The following NT5C2 variants were observed in gnomAD, a reference collection of about 807,000 sequenced individuals.
The protein encoded by NT5C2 is 5'-nucleotidase, cytosolic II.
Under a neutral mutation model 76.1 loss-of-function variants are expected in NT5C2, and 58 were observed. The ratio of observed to expected loss-of-function variants is 0.76; its 90% CI spans 0.62 to 0.95. The LOEUF is 0.95. NT5C2 is among the 40% of genes least tolerant of loss of function. The pLI, the probability that NT5C2 is intolerant of heterozygous loss-of-function variation, is 0.00. For synonymous variants in NT5C2, 229 were observed against 237.4 expected, an observed-to-expected ratio of 0.96 and a Z score of 0.32; for missense variants, 478 against 690.3, an observed-to-expected ratio of 0.69 and a Z score of 3.45.
chr10:103,114,291 C>T (rs1348354657), intron 4 of NT5C2, among the ~76,000 whole-genome samples: 3 of 152,048 alleles, frequency 2.0e-5, no homozygotes, highest in African/African-American at 4.8e-5. Flanking sequence ...AGTGTGGTGG[C>T]GCACACCTGT....
intron 4 of NT5C2, among the ~76,000 whole-genome samples, chr10:103,128,434 C>CGCT (rs1187277493): frequency 2.5e-5 from 3 of 121,924 alleles, no homozygotes; most frequent in Non-Finnish European, 5.4e-5. Flanking sequence ...ACCTCCCAGC[C>CGCT]GCCTGCCTTG....
chr10:103,152,474 A>G (rs1031272775), intron 3 of NT5C2, among the ~76,000 whole-genome samples: 17 of 152,214 alleles, frequency 1.1e-4, no homozygotes, highest in Non-Finnish European at 2.5e-4. Context: ...AATAAGTTGT[A>G]AATGTGAGGC....
At chr10:103,157,223 T>C (rs3861984) in intron 3 of NT5C2, among the ~76,000 whole-genome samples, 47,817 of 151,516 alleles carry the variant, frequency 0.32, 7,627 homozygotes, top group Middle Eastern at 0.36. Flanking sequence ...ACCCTAACCA[T>C]GCTGTAGAGA....
At chr10:103,125,726 AAAC>A (rs2076534724) in intron 4 of NT5C2, among the ~76,000 whole-genome samples, 1 of 152,236 alleles carries the variant, frequency 6.6e-6, no homozygotes, top group East Asian at 1.9e-4. Context: ...ATTTGAAAAA[AAAC>A]AAGCACTGAA....
intron 16 of NT5C2, 88 bp from the exon 17 acceptor site, chr10:103,091,084 G>A (rs1009197232): frequency 2.7e-5 from 32 of 1,184,494 alleles, no homozygotes; most frequent in Non-Finnish European, 3.9e-5. Flanking sequence ...ACTCAGGCTG[G>A]AGTGCAGGGG....
At chr10:103,189,015 G>A (rs1164067472) in intron 1 of NT5C2, among the ~76,000 whole-genome samples, 1 of 146,116 alleles carries the variant, frequency 6.8e-6, no homozygotes, top group East Asian at 2.0e-4. Flanking sequence ...AAAAAAAAAA[G>A]AGTGTGGGAT....
At chr10:103,164,729 A>G (rs1268607659) in intron 3 of NT5C2, among the ~76,000 whole-genome samples, 1 of 152,238 alleles carries the variant, frequency 6.6e-6, no homozygotes, top group Admixed American at 6.5e-5. Context: ...ATTAATACAG[A>G]AGCCATACCC....
rs190040897 is a variant in NT5C2, at chr10:103,123,370, T to C, written c.175+16036A>G. 1.6e-3 allele frequency among the ~76,000 whole-genome samples: 241 copies of C among 152,262 alleles called. 3 individuals are homozygous for C. Among genetic ancestry groups the C allele is most frequent in the East Asian group, 1.5e-3 (8 of 5,172 alleles). On this transcript the variant is annotated intron_variant, in intron 4 of 18. Coordinates refer to ENST00000404739, the MANE Select transcript of NT5C2 (RefSeq NM_001351169.2). ...ACAGGTAAACATGTGCTATGGTGGT[T>C]TGCTGTACCACACCCTGGTAATCTT...
chr10:103,178,922 G>A (rs1390948009), intron 2 of NT5C2, among the ~76,000 whole-genome samples: 1 of 146,326 alleles, frequency 6.8e-6, no homozygotes, highest in Non-Finnish European at 1.5e-5. Context: ...CGTTTTCTCT[G>A]TATTCCTCTA....
chr10:103,097,823 G>A (rs2068575945), intron 10 of NT5C2: 1 of 343,652 alleles, frequency 2.9e-6, no homozygotes, highest in Non-Finnish European at 5.5e-6. Context: ...AGAATGAAAT[G>A]ACATGTGCAG....
At chr10:103,120,980 A>G (rs1452245819) in intron 4 of NT5C2, among the ~76,000 whole-genome samples, 1 of 152,246 alleles carries the variant, frequency 6.6e-6, no homozygotes, top group African/African-American at 2.4e-5. Flanking sequence ...AATATATGCT[A>G]TAACATGGAC....
At chr10:103,182,099 A>G (rs571752054) in intron 1 of NT5C2, among the ~76,000 whole-genome samples, 24 of 152,252 alleles carry the variant, frequency 1.6e-4, no homozygotes, top group African/African-American at 5.8e-4. Context: ...AGAGTTATAC[A>G]TTGGCAAACG....
intron 13 of NT5C2, 97 bp downstream of exon 13, chr10:103,094,247 TAAAA>T (rs60341061): frequency 1.8e-6 from 1 of 563,812 alleles, no homozygotes; most frequent in Non-Finnish European, 2.8e-6. Context: ...TACGGCTAAT[TAAAA>T]AAAAAAAATT....
rs551864532 is a variant in NT5C2, at chr10:103,099,017, G to T, written c.634-33C>A. The stretch of plus-strand genomic sequence containing the variant: ...AAGACAAAAAAAAGAATTAAGAAAA[G>T]AACAAAATCAGTTTTTAACATGTAG... On this transcript the variant is annotated intron_variant, in intron 9 of 18. Coordinates refer to ENST00000404739, the MANE Select transcript of NT5C2 (RefSeq NM_001351169.2). 155 of 1,529,050 alleles carry T rather than the reference G, an allele frequency of 1.0e-4. 3 individuals carry two copies. In the South Asian group the frequency reaches 1.7e-3, roughly 17 times the overall value. The allele number at this position is 1,529,050 out of a possible 1,614,324, so 94.7% of individuals were successfully genotyped here.
intron 4 of NT5C2, among the ~76,000 whole-genome samples, chr10:103,120,027 A>T (rs2075338667): frequency 6.6e-6 from 1 of 152,022 alleles, no homozygotes; most frequent in African/African-American, 2.4e-5. Flanking sequence ...TGAGCCTGGG[A>T]GGCAGAGGTT....
intron 4 of NT5C2, among the ~76,000 whole-genome samples, chr10:103,125,589 T>C (rs2076512828): frequency 6.6e-6 from 1 of 152,250 alleles, no homozygotes; most frequent in African/African-American, 2.4e-5. Flanking sequence ...TTAAGGACTT[T>C]ATGTCACTCA....
intron 15 of NT5C2, among the ~76,000 whole-genome samples, chr10:103,091,853 C>T (rs2066998515): frequency 2.0e-5 from 3 of 152,156 alleles, no homozygotes; most frequent in Non-Finnish European, 2.9e-5. Flanking sequence ...CCTGCTTAAA[C>T]ACCATGATGA....
At chr10:103,092,862 C>T (rs1213055505) in intron 15 of NT5C2, among the ~76,000 whole-genome samples, 1 of 151,898 alleles carries the variant, frequency 6.6e-6, no homozygotes, top group East Asian at 1.9e-4. Flanking sequence ...CAGTTCACAA[C>T]TTAGTGTTAC....
chr10:103,096,845 CAA>C (rs71019656), intron 11 of NT5C2, among the ~76,000 whole-genome samples: 124 of 31,366 alleles, frequency 4.0e-3, no homozygotes, highest in African/African-American at 0.013. Flanking sequence ...GACTCTGTCT[CAA>C]AAAAAAAAAA....
Sources: allele counts gnomAD v4.1 joint callset (sites outside exome capture counted in the v4.1 genomes callset), GRCh38; gene constraint gnomAD v4.1.1; transcripts MANE v1.5; gene names NCBI Gene and HGNC (gene_info 2026-07-23, HGNC 2026-07-21).